Variants in CACNA2D2 observed in about 807,000 individuals in gnomAD.
CACNA2D2 encodes voltage-dependent calcium channel subunit alpha-2/delta-2.
In CACNA2D2, 48 loss-of-function variants were observed where a neutral mutation model predicts 166.4. The observed-to-expected ratio is 0.29, with a 90% CI of 0.23 to 0.37. The LOEUF (loss-of-function observed/expected upper bound fraction) is 0.37. Among genes scored for constraint, CACNA2D2 ranks in the 10% least tolerant of loss-of-function variants. The probability of loss-of-function intolerance (pLI) is 1.00; values close to 1 mark genes in which losing one functional copy is unlikely to be tolerated. For missense variants in CACNA2D2, 1,122 were observed against 1,433.0 expected (o/e 0.78, Z 3.50); for synonymous variants, 561 against 573.7 (o/e 0.98, Z 0.32).
chr3:50,413,683 C>G (rs2106810133), intron 3 of CACNA2D2, among the ~76,000 whole-genome samples: 1 of 152,216 alleles, frequency 6.6e-6, no homozygotes, highest in African/African-American at 2.4e-5. Context: ...CCCAACTCTA[C>G]TAAAAATACA....
At chr3:50,399,271 A>C (rs947907140) in intron 3 of CACNA2D2, among the ~76,000 whole-genome samples, 2 of 152,238 alleles carry the variant, frequency 1.3e-5, no homozygotes, top group Non-Finnish European at 2.9e-5. Context: ...TCTGAGGAGC[A>C]ACTGCCCATC....
chr3:50,485,570 G>A (rs1575765759), intron 1 of CACNA2D2, among the ~76,000 whole-genome samples: 1 of 152,318 alleles, frequency 6.6e-6, no homozygotes, highest in East Asian at 1.9e-4. Flanking sequence ...GGGCCCATGG[G>A]GGCCTCAGCA....
chr3:50,426,680 G>A (rs1053747385), intron 3 of CACNA2D2, among the ~76,000 whole-genome samples: 1 of 152,124 alleles, frequency 6.6e-6, no homozygotes, highest in Admixed American at 6.5e-5. Context: ...TGATCACAGC[G>A]CTTCTGACCC....
chr3:50,469,013 T>C (rs1233275438), intron 2 of CACNA2D2, among the ~76,000 whole-genome samples: 1 of 151,908 alleles, frequency 6.6e-6, no homozygotes, highest in Non-Finnish European at 1.5e-5. Flanking sequence ...ATTTTTAGTA[T>C]AGACAGGGTT....
intron 3 of CACNA2D2, among the ~76,000 whole-genome samples, chr3:50,397,807 T>C (rs1706233302): frequency 6.6e-6 from 1 of 152,172 alleles, no homozygotes; most frequent in African/African-American, 2.4e-5. Flanking sequence ...CCTTTTGCCT[T>C]TAACCAGCCC....
chr3:50,365,297 C>T lies in CACNA2D2; in HGVS notation c.3098+59G>A, dbSNP rs587700385. ...GCCCCGCCCCTTCCATCCTCCCGAG[C>T]GTCTCGCCCCGCTCACAGGTTCCGC... is the stretch of plus-strand genomic sequence containing the variant. On this transcript the variant is annotated intron_variant, in intron 35 of 37. Transcript: ENST00000424201. This position sits in a 1 kb window ranked among gnomAD's most constrained non-coding sequence, Gnocchi z 4.5. 1.4e-4 allele frequency: 227 copies of T among 1,597,608 alleles called. 1 individual carries two copies. The East Asian group carries it at 4.8e-3, about 34-fold the overall frequency.
Position 50,365,936 on chromosome 3 carries a change from C to T in CACNA2D2, c.2863-74G>A, listed in dbSNP as rs1203124190. The stretch of plus-strand genomic sequence containing the variant: ...GGTCACCCCCAGCTTTATCAAATGT[C>T]AGAGGTAGGGGGTCATCTGTGGGCA... On this transcript the variant is annotated intron_variant, in intron 32 of 37. Transcript: ENST00000424201. This position sits in a 1 kb window ranked among gnomAD's most constrained non-coding sequence, Gnocchi z 4.5. The T allele has an allele frequency of 4.3e-6, 7 of 1,611,894 alleles. No individual in the cohort carries two copies. Among genetic ancestry groups the T allele is most frequent in the Non-Finnish European group, 5.1e-6 (6 of 1,179,236 alleles).
chr3:50,418,475 C>T (rs1707373871), intron 3 of CACNA2D2, among the ~76,000 whole-genome samples: 1 of 152,212 alleles, frequency 6.6e-6, no homozygotes, highest in South Asian at 2.1e-4. Context: ...ATTCTAATTT[C>T]ACCCATTCCC....
chr3:50,365,067 C>T lies in CACNA2D2; in HGVS notation c.3208+8G>A, dbSNP rs1466695557. ...GAGCGGGCGGCGGGGAGGGCGGGGG[C>T]AGGATACAGTGCGTCTCCTTCTGCA... On this transcript the variant is annotated splice_region_variant and intron_variant, in intron 36 of 37. Transcript: ENST00000424201. This position sits in a 1 kb window ranked among gnomAD's most constrained non-coding sequence, Gnocchi z 4.5. 1 of 1,607,124 alleles carries T rather than the reference C, an allele frequency of 6.2e-7. No homozygotes were observed. The highest frequency in any genetic ancestry group is 8.5e-7 in the Non-Finnish European group (1 of 1,176,898).
In CACNA2D2 at chr3:50,365,259, C is replaced by T. The variant is rs1218273421; in HGVS notation, c.3099-75G>A. ...CACCCCCATCCTGCGGCCCCGCCCC[C>T]GGCCGCTCGGAGGCCCCGCCCCTTC... On this transcript the variant is annotated intron_variant, in intron 35 of 37. Coordinates refer to ENST00000424201, the MANE Select transcript of CACNA2D2 (RefSeq NM_006030.4). This position sits in a 1 kb window ranked among gnomAD's most constrained non-coding sequence, Gnocchi z 4.5. The T allele has an allele frequency of 9.5e-6, 15 of 1,571,502 alleles. No homozygotes were observed. The highest frequency in any genetic ancestry group is 2.0e-4 in the Middle Eastern group (1 of 5,122).
chr3:50,473,350 T>C (rs1710178601), intron 2 of CACNA2D2, among the ~76,000 whole-genome samples: 1 of 152,210 alleles, frequency 6.6e-6, no homozygotes, highest in Admixed American at 6.5e-5. Context: ...CTGCCAGCCC[T>C]CATGGCTCCA....
intron 4 of CACNA2D2, among the ~76,000 whole-genome samples, chr3:50,389,460 A>C (rs1358793576): frequency 6.6e-6 from 1 of 152,150 alleles, no homozygotes. Context: ...GCAGATTACA[A>C]CCTGGGGCCT....
chr3:50,367,749 G>A lies in CACNA2D2; in HGVS notation c.2235-45C>T, dbSNP rs763562125. On this transcript the variant is annotated intron_variant, in intron 25 of 37. Coordinates refer to ENST00000424201, the MANE Select transcript of CACNA2D2 (RefSeq NM_006030.4). This position sits in a 1 kb window ranked among gnomAD's most constrained non-coding sequence, Gnocchi z 6.5. ...GGGGTCACAGGCCTGCCTTCTGCTGGGCAGGTCCAGGGCCTCTGGGCCCAT... is the reference window on the plus strand; with the variant it reads ...GGGGTCACAGGCCTGCCTTCTGCTGAGCAGGTCCAGGGCCTCTGGGCCCAT... The A allele has an allele frequency of 2.5e-6, 4 of 1,611,962 alleles. No homozygotes were observed. The African/African-American group carries it at 5.3e-5, about 22-fold the overall frequency.
intron 3 of CACNA2D2, among the ~76,000 whole-genome samples, chr3:50,415,090 C>G (rs1261391690): frequency 6.6e-6 from 1 of 152,206 alleles, no homozygotes; most frequent in African/African-American, 2.4e-5. Flanking sequence ...CACAGCCACC[C>G]AGTGTGATAG....
intron 1 of CACNA2D2, among the ~76,000 whole-genome samples, chr3:50,479,156 G>A (rs550518345): frequency 2.0e-5 from 3 of 152,116 alleles, no homozygotes; most frequent in South Asian, 2.1e-4. Flanking sequence ...AGATATACAC[G>A]CTCACTCTCC....
intron 1 of CACNA2D2, among the ~76,000 whole-genome samples, chr3:50,482,524 G>A (rs1698095719): frequency 6.6e-6 from 1 of 152,246 alleles, no homozygotes; most frequent in Non-Finnish European, 1.5e-5. Flanking sequence ...CCAAAGAGGA[G>A]CTAAGTGGAA....
intron 2 of CACNA2D2, among the ~76,000 whole-genome samples, chr3:50,470,240 C>A (rs1309279913): frequency 6.6e-6 from 1 of 152,224 alleles, no homozygotes; most frequent in Non-Finnish European, 1.5e-5. Context: ...TACCCTCATT[C>A]CAGGGGGCAG....
At chr3:50,463,036 C>T (rs774515880) in intron 2 of CACNA2D2, among the ~76,000 whole-genome samples, 1 of 152,078 alleles carries the variant, frequency 6.6e-6, no homozygotes, top group Non-Finnish European at 1.5e-5. Flanking sequence ...GGGCAGCAGG[C>T]GACATCACTA....
At chr3:50,441,643 T>C (rs552931926) in intron 2 of CACNA2D2, among the ~76,000 whole-genome samples, 1 of 152,398 alleles carries the variant, frequency 6.6e-6, no homozygotes, top group South Asian at 2.1e-4. Context: ...GGCCCATTCC[T>C]GGGTGTAGCC....
Sources: gnomAD v4.1 joint callset for allele counts (sites outside exome capture counted in the v4.1 genomes callset) on GRCh38, gnomAD v4.1.1 for gene constraint, Gnocchi (gnomAD v3.1) non-coding constraint, MANE v1.5 for transcripts, NCBI Gene and HGNC (gene_info 2026-07-23, HGNC 2026-07-21) for gene names.